GLDC: variants seen among roughly 807,000 people sequenced by gnomAD.
GLDC encodes the protein glycine dehydrogenase (decarboxylating), mitochondrial.
A neutral mutation model predicts 121.3 loss-of-function variants in GLDC; 104 were observed. The observed-to-expected ratio is 0.86, with a 90% CI of 0.73 to 1.01. The LOEUF (loss-of-function observed/expected upper bound fraction) is 1.01. Among genes scored for constraint, GLDC ranks in the 50% least tolerant of loss-of-function variants. The pLI is 0.00. For synonymous variants in GLDC, 546 were observed against 480.6 expected (o/e 1.14, Z -1.78); for missense variants, 1,429 against 1,306.6 (o/e 1.09, Z -1.44).
At chr9:6,643,541 T>C (rs1476529037) in intron 2 of GLDC, among the ~76,000 whole-genome samples, 1 of 151,220 alleles carries the variant, frequency 6.6e-6, no homozygotes, top group Non-Finnish European at 1.5e-5. Flanking sequence ...GAGATTTTTT[T>C]TAAGAGCTCA....
At chr9:6,601,355 C>T (rs1448882304) in intron 8 of GLDC, among the ~76,000 whole-genome samples, 1 of 152,118 alleles carries the variant, frequency 6.6e-6, no homozygotes, top group Non-Finnish European at 1.5e-5. Flanking sequence ...ACAAACCTGG[C>T]CCAACGCCAA....
Position 6,571,661 on chromosome 9 carries a change from TG to T in GLDC, c.1851-6233del, listed in dbSNP as rs1374370927. On this transcript the variant is annotated intron_variant, in intron 15 of 24. Transcript: ENST00000321612. ...GGGCTGATTTACATCCCAGGTGGGA[TG>T]GAACAAGATGCTGCAGGGTTTCATC... 5.3e-5 allele frequency among the ~76,000 whole-genome samples: 8 copies of T among 152,358 alleles called. No homozygotes were observed. In the East Asian group the frequency reaches 1.2e-3, roughly 22 times the overall value.
At chr9:6,588,791 A>G (rs946885413) in intron 12 of GLDC, 89 bp from the exon 13 acceptor site, 15 of 839,626 alleles carry the variant, frequency 1.8e-5, no homozygotes, top group Admixed American at 3.5e-5. Context: ...ACCGAAATCT[A>G]CTTTCAAAAT....
rs1463086398 is a variant in GLDC at position 6,536,184 on chromosome 9, C to T, written c.2718G>A (p.Glu906=). 4 of 1,613,940 alleles carry T rather than the reference C, an allele frequency of 2.5e-6. No individual in the cohort carries two copies. Among genetic ancestry groups the T allele is most frequent in the Non-Finnish European group, 3.4e-6 (4 of 1,179,976 alleles). ...CTGCCTTGTCCTCCGACTCAGTGGG[C>T]TCCACCATGAGGGTCCCTGCCACAG... ...SWPVAGTLMV[E]PTESEDKAEL... Residue 906 remains glutamate (E), a synonymous_variant, in exon 23 of 25, where the codon GAG becomes GAA. Transcript: ENST00000321612.
Position 6,595,173 on chromosome 9 carries a change from G to A in GLDC, c.1156-54C>T, listed in dbSNP as rs957838498. 36 of 1,146,002 alleles carry A rather than the reference G, an allele frequency of 3.1e-5. No homozygotes were observed. In the African/African-American group the frequency reaches 4.1e-4, roughly 13 times the overall value. The allele number at this position is 1,146,002 out of a possible 1,614,324, so 71.0% of individuals were successfully genotyped here. A position where few individuals can be genotyped will look rare whatever the true frequency, so the allele number is the denominator to read the frequency against. ...CGTGATGGAGGACAATTAGTGGGAGGGTGTAATTACTTGACTTGGGATGTC... is the reference window on the plus strand; with the variant it reads ...CGTGATGGAGGACAATTAGTGGGAGAGTGTAATTACTTGACTTGGGATGTC... On this transcript the variant is annotated intron_variant, in intron 8 of 24. Coordinates refer to ENST00000321612, the MANE Select transcript of GLDC (RefSeq NM_000170.3).
At chr9:6,614,359 C>T (rs751631647) in intron 3 of GLDC, among the ~76,000 whole-genome samples, 4 of 151,944 alleles carry the variant, frequency 2.6e-5, no homozygotes, top group Non-Finnish European at 4.4e-5. Flanking sequence ...CTCAACCTCC[C>T]GAGTGGCTGG....
chr9:6,575,527 A>T (rs1054983899), intron 15 of GLDC, among the ~76,000 whole-genome samples: 2 of 152,186 alleles, frequency 1.3e-5, no homozygotes, highest in African/African-American at 4.8e-5. Flanking sequence ...CCTCCAGGTG[A>T]TTCTCATGCA....
At chr9:6,602,812 G>C (rs1395766893) in intron 7 of GLDC, among the ~76,000 whole-genome samples, 1 of 152,138 alleles carries the variant, frequency 6.6e-6, no homozygotes, top group Non-Finnish European at 1.5e-5. Context: ...CACAGGAAAA[G>C]TGGAAATATA....
At chr9:6,640,754 A>G (rs1819614393) in intron 2 of GLDC, among the ~76,000 whole-genome samples, 1 of 152,342 alleles carries the variant, frequency 6.6e-6, no homozygotes, top group African/African-American at 2.4e-5. Context: ...ATTCACTGAA[A>G]AGACTACACA....
chr9:6,640,144 T>C (rs927354896), intron 2 of GLDC, among the ~76,000 whole-genome samples: 9 of 152,254 alleles, frequency 5.9e-5, no homozygotes, highest in African/African-American at 1.9e-4. Flanking sequence ...TCTGCCAATA[T>C]GCAAGTCTGA....
rs28616100 is a variant in GLDC at position 6,574,336 on chromosome 9, G to A, written c.1851-8907C>T. Among the ~76,000 whole-genome samples, 1,402 of 151,974 alleles carry A rather than the reference G, an allele frequency of 9.2e-3. 23 individuals are homozygous for A. The highest frequency in any genetic ancestry group is 0.031 in the African/African-American group (1,303 of 41,436). On this transcript the variant is annotated intron_variant, in intron 15 of 24. Transcript: ENST00000321612. ...TCAAAAATTAGCTGGGCGTGGTGGC[G>A]GGTGCCTGTAATTCCAGCTACTTGG...
intron 15 of GLDC, among the ~76,000 whole-genome samples, chr9:6,576,506 G>A (rs181042763): frequency 2.0e-5 from 3 of 151,810 alleles, no homozygotes; most frequent in South Asian, 2.1e-4. Context: ...CACTCTTGTC[G>A]CCCAGGCTGG....
At chr9:6,642,734 G>GTATA (rs1232751995) in intron 2 of GLDC, among the ~76,000 whole-genome samples, 1 of 151,876 alleles carries the variant, frequency 6.6e-6, no homozygotes, top group African/African-American at 2.4e-5. Context: ...TTATTTTAGA[G>GTATA]TATATATATT....
intron 16 of GLDC, among the ~76,000 whole-genome samples, chr9:6,558,976 C>G (rs1051909795): frequency 6.6e-6 from 1 of 152,160 alleles, no homozygotes; most frequent in Non-Finnish European, 1.5e-5. Flanking sequence ...CTTATTCTAA[C>G]CTTGTCTCAG....
At chr9:6,602,075 G>T in intron 8 of GLDC, 34 bp downstream of exon 8, 1 of 1,199,096 alleles carries the variant, frequency 8.3e-7, no homozygotes, top group Non-Finnish European at 1.2e-6. Context: ...TGTATCGTAA[G>T]GCATTCAGTA....
chr9:6,642,079 C>T (rs1188506180), intron 2 of GLDC, among the ~76,000 whole-genome samples: 1 of 152,184 alleles, frequency 6.6e-6, no homozygotes, highest in African/African-American at 2.4e-5. Flanking sequence ...CCTCCACTCT[C>T]CCAACACCCC....
intron 6 of GLDC, 109 bp downstream of exon 6, chr9:6,605,022 G>C (rs1818701061): frequency 2.6e-6 from 3 of 1,133,870 alleles, no homozygotes; most frequent in Non-Finnish European, 4.0e-6. Context: ...CATTCCATGT[G>C]ATAATGGTAA....
At chr9:6,587,604 A>G (rs1359281994) in intron 14 of GLDC, among the ~76,000 whole-genome samples, 1 of 152,208 alleles carries the variant, frequency 6.6e-6, no homozygotes, top group East Asian at 1.9e-4. Context: ...TATGGTTGGC[A>G]TAAACTCTTA....
rs56151833 is a variant in GLDC at position 6,594,506 on chromosome 9, G to T, written c.1261+508C>A. On this transcript the variant is annotated intron_variant, in intron 9 of 24. Coordinates refer to ENST00000321612, the MANE Select transcript of GLDC (RefSeq NM_000170.3). ...AGGTCAGGAATTCGAGACCAGCCTG[G>T]AAAACATGGCAAAGCCCTGTCTCTA... 4.6e-5 allele frequency among the ~76,000 whole-genome samples: 7 copies of T among 152,208 alleles called. No individual in the cohort carries two copies. In the South Asian group the frequency reaches 1.2e-3, roughly 27 times the overall value.
Sources: allele counts gnomAD v4.1 joint callset (sites outside exome capture counted in the v4.1 genomes callset), GRCh38; gene constraint gnomAD v4.1.1; transcripts MANE v1.5; gene names NCBI Gene and HGNC (gene_info 2026-07-23, HGNC 2026-07-21).